DHDH: variants seen among roughly 807,000 people sequenced by gnomAD.
The protein encoded by DHDH is trans-1,2-dihydrobenzene-1,2-diol dehydrogenase.
DHDH carries 29 observed loss-of-function variants against 33.2 expected under a neutral mutation model. That is an observed-to-expected ratio of 0.87 (90% CI 0.65 to 1.19). DHDH has a LOEUF of 1.19. Ranked by LOEUF, DHDH falls within the 50% of genes most tolerant of loss-of-function variation. The pLI, the probability that DHDH is intolerant of heterozygous loss-of-function variation, is 0.00. For missense variants in DHDH, 431 were observed against 455.0 expected, an observed-to-expected ratio of 0.95 and a Z score of 0.48; for synonymous variants, 201 against 187.9, an observed-to-expected ratio of 1.07 and a Z score of -0.57.
At chr19:48,937,232 G>A (rs923775297) in intron 3 of DHDH, among the ~76,000 whole-genome samples, 2 of 152,192 alleles carry the variant, frequency 1.3e-5, no homozygotes, top group Admixed American at 1.3e-4. Context: ...CTCAGAGCCT[G>A]CGCAGAGCCT....
Position 48,942,508 on chromosome 19 carries a change from A to G in DHDH, c.688A>G (p.Ile230Val). ...GGTCCATGGCAGCTTCACCTGCAGCATCACCGTGCAGCTCTCCAACACGGC... is the reference window on the plus strand; with the variant it reads ...GGTCCATGGCAGCTTCACCTGCAGCGTCACCGTGCAGCTCTCCAACACGGC... ...GEVHGSFTCSITVQLSNTASV... is the reference protein window; with the variant it reads ...GEVHGSFTCSVTVQLSNTASV... The change falls in exon 5 of 7, where the codon ATC becomes GTC. Residue 230 changes from isoleucine to valine, a missense_variant. By Grantham distance (29) the Ile-to-Val change is conservative (BLOSUM62 3). Coordinates refer to ENST00000221403, the MANE Select transcript of DHDH (RefSeq NM_014475.4). 1 of 1,613,848 alleles carries G rather than the reference A, an allele frequency of 6.2e-7. No homozygotes were observed. The highest frequency in any genetic ancestry group is 8.5e-7 in the Non-Finnish European group (1 of 1,179,936).
At chr19:48,935,987 C>A in intron 2 of DHDH, 45 bp from the exon 3 acceptor site, 3 of 1,558,172 alleles carry the variant, frequency 1.9e-6, no homozygotes, top group South Asian at 2.4e-5. Flanking sequence ...GCTCGGCTGT[C>A]TGGGTGGGCG....
At chr19:48,937,967 G>C (rs539936690) in intron 3 of DHDH, among the ~76,000 whole-genome samples, 1 of 151,974 alleles carries the variant, frequency 6.6e-6, no homozygotes, top group African/African-American at 2.4e-5. Context: ...GGGTGTCACC[G>C]TCCCGGCTGT....
At chr19:48,935,906 A>C (rs2037766215) in intron 2 of DHDH, 126 bp from the exon 3 acceptor site, 2 of 1,172,668 alleles carry the variant, frequency 1.7e-6, no homozygotes, top group Middle Eastern at 2.9e-4. Flanking sequence ...ACAGCTCCCT[A>C]AGGGAGACAG....
At chr19:48,937,314 C>T (rs1027769695) in intron 3 of DHDH, among the ~76,000 whole-genome samples, 1 of 152,244 alleles carries the variant, frequency 6.6e-6, no homozygotes, top group East Asian at 1.9e-4. Context: ...GGGCGGACCT[C>T]GGCCACATCC....
Position 48,934,896 on chromosome 19 carries a change from C to G in DHDH, c.91-104C>G, listed in dbSNP as rs531875836. ...GCCCCCGTCATCTCTTCCCCCAGGA[C>G]CACGTCTCCCCTTCCCCTGGCCAGA... On this transcript the variant is annotated intron_variant, in intron 1 of 6. Coordinates refer to ENST00000221403, the MANE Select transcript of DHDH (RefSeq NM_014475.4). The G allele has an allele frequency of 8.3e-4, 690 of 833,836 alleles. 10 individuals carry two copies. The South Asian group carries it at 0.015, about 18-fold the overall frequency. 51.7% of individuals were successfully genotyped at this position (833,836 alleles called of 1,614,324 possible). A position where few individuals can be genotyped will look rare whatever the true frequency, so the allele number is the denominator to read the frequency against.
chr19:48,943,554 G>A (rs757427644), intron 5 of DHDH, among the ~76,000 whole-genome samples: 16 of 151,620 alleles, frequency 1.1e-4, no homozygotes, highest in African/African-American at 1.7e-4. Context: ...GGCTGGGCGC[G>A]GTGGCTCACA....
Position 48,944,458 on chromosome 19 carries a change from G to C in DHDH, c.846G>C (p.Gly282=), listed in dbSNP as rs767725295. Residue 282 remains glycine, a synonymous_variant, in exon 6 of 7, where the codon GGG becomes GGC. Transcript: ENST00000221403. ...CAAAGGACTGCAATTTTGACAACGG[G>C]GCAGGCATGAGTTATGAGGCCAAGC... ...PVPKDCNFDN[G]AGMSYEAKHV... 1 of 1,613,582 alleles carries C rather than the reference G, an allele frequency of 6.2e-7. No individual in the cohort carries two copies. The highest frequency in any genetic ancestry group is 1.3e-5 in the African/African-American group (1 of 74,928).
At chr19:48,933,611 T>C, upstream of DHDH, 1 of 971,132 alleles carries the variant, frequency 1.0e-6, no homozygotes, top group South Asian at 1.3e-5. Context: ...AGAATCGGCG[T>C]AGGCGCAATA....
intron 4 of DHDH, 106 bp downstream of exon 4, chr19:48,939,807 C>A: frequency 6.9e-7 from 1 of 1,447,734 alleles, no homozygotes; most frequent in South Asian, 1.4e-5. Flanking sequence ...AGATCAGACA[C>A]CTAGAGGAAC....
intron 3 of DHDH, among the ~76,000 whole-genome samples, chr19:48,937,829 A>G (rs911681797): frequency 1.1e-4 from 16 of 150,710 alleles, no homozygotes; most frequent in Non-Finnish European, 1.8e-4. Context: ...AAAAAAAAAA[A>G]AAAAGAAATT....
chr19:48,936,325 G>A (rs2037775126), intron 3 of DHDH, 130 bp downstream of exon 3: 2 of 1,259,426 alleles, frequency 1.6e-6, no homozygotes, highest in South Asian at 1.7e-5. Flanking sequence ...ATCTATTACC[G>A]TGAAAGCCAT....
At chr19:48,937,793 C>T (rs1022201143) in intron 3 of DHDH, among the ~76,000 whole-genome samples, 8 of 133,664 alleles carry the variant, frequency 6.0e-5, no homozygotes, top group African/African-American at 2.0e-4. Context: ...GCCTGGACGA[C>T]AAGAGCGAGA....
chr19:48,942,473 AC>A lies in DHDH; in HGVS notation c.656del (p.Pro219GlnfsTer22), dbSNP rs753067847. 2 of 1,613,544 alleles carry A rather than the reference AC, an allele frequency of 1.2e-6. No homozygotes were observed. Among genetic ancestry groups the A allele is most frequent in the South Asian group, 2.2e-5 (2 of 91,052 alleles). ...GACACTGTCACGGTGCTCCTGCAGT[AC>A]CCAGGGGAGGTCCATGGCAGCTTCA... ...VDDTVTVLLQ[Y>X]PGEVHGSFTC... is the part of the protein sequence containing the mutation. On this transcript the variant is annotated frameshift_variant, in exon 5 of 7. Coordinates refer to ENST00000221403, the MANE Select transcript of DHDH (RefSeq NM_014475.4). LOFTEE classifies it high-confidence loss of function.
chr19:48,935,074 C>T lies in DHDH; in HGVS notation c.165C>T (p.Tyr55=), dbSNP rs766939963. ...FAQKHDIPKA[Y]GSYEELAKDP... is the part of the protein sequence containing the mutation. ...AGAAACACGACATCCCCAAGGCCTA[C>T]GGCTCCTATGAGGAGCTGGCCAAGG... is the stretch of plus-strand genomic sequence containing the variant. Residue 55 remains tyrosine (Y), a synonymous_variant, in exon 2 of 7, where the codon TAC becomes TAT. Transcript: ENST00000221403. 5.7e-6 allele frequency: 9 copies of T among 1,589,246 alleles called. No individual in the cohort carries two copies. Among genetic ancestry groups the T allele is most frequent in the Middle Eastern group, 1.7e-4 (1 of 6,032 alleles).
rs150158440 is a variant in DHDH, at chr19:48,936,413, C to G, written c.366+218C>G. On this transcript the variant is annotated intron_variant, in intron 3 of 6. Coordinates refer to ENST00000221403, the MANE Select transcript of DHDH (RefSeq NM_014475.4). ...TTTGTCAGTCTTTAAGAAAAAGATGCCGGCCGGGCGCGGTGGCTCATGCCT... is the reference window on the plus strand; with the variant it reads ...TTTGTCAGTCTTTAAGAAAAAGATGGCGGCCGGGCGCGGTGGCTCATGCCT... 5.9e-3 allele frequency among the ~76,000 whole-genome samples: 895 copies of G among 152,060 alleles called. 6 individuals are homozygous for G. Among genetic ancestry groups the G allele is most frequent in the African/African-American group, 0.02 (835 of 41,510 alleles).
chr19:48,942,263 C>T (rs1237416653), intron 4 of DHDH, among the ~76,000 whole-genome samples, 177 bp from the exon 5 acceptor site: 1 of 152,106 alleles, frequency 6.6e-6, no homozygotes, highest in Non-Finnish European at 1.5e-5. Flanking sequence ...CTCAGCCTCC[C>T]AAAGTGCTGG....
In DHDH at chr19:48,944,917, C is replaced by T; in HGVS notation, c.989C>T (p.Pro330Leu). ...AGGAAGGCCATTGGAGTCACCTTCC[C>T]CCAAGACAAACGCTGATGTATCCCC... ...EVRKAIGVTF[P>L]QDKR Residue 330 changes from proline (P) to leucine (L), a missense_variant, in exon 7 of 7, where the codon CCC becomes CTC. Coordinates refer to ENST00000221403, the MANE Select transcript of DHDH (RefSeq NM_014475.4). 1 of 1,614,002 alleles carries T rather than the reference C, an allele frequency of 6.2e-7. No individual in the cohort carries two copies. Among genetic ancestry groups the T allele is most frequent in the Non-Finnish European group, 8.5e-7 (1 of 1,179,968 alleles).
chr19:48,942,826 A>G (rs562935280), intron 5 of DHDH, among the ~76,000 whole-genome samples: 1 of 150,172 alleles, frequency 6.7e-6, no homozygotes, highest in Admixed American at 6.6e-5. Context: ...AGGCCAAGGC[A>G]GGCAGATCAC....
Sources: allele counts gnomAD v4.1 joint callset (sites outside exome capture counted in the v4.1 genomes callset), GRCh38; gene constraint gnomAD v4.1.1; transcripts MANE v1.5; gene names NCBI Gene and HGNC (gene_info 2026-07-23, HGNC 2026-07-21).